The following CSMD1 variants were observed in gnomAD, a reference collection of about 807,000 sequenced individuals.
CSMD1 encodes CUB and Sushi multiple domains 1.
CSMD1 carries 213 observed loss-of-function variants against 417.5 expected under a neutral mutation model. That is an observed-to-expected ratio of 0.51 (90% CI 0.46 to 0.57). CSMD1 has a LOEUF of 0.57. Ranked by LOEUF, CSMD1 falls within the 20% of genes least tolerant of loss-of-function variation. The pLI is 0.00. For synonymous variants in CSMD1, 2,862 were observed against 1,736.8 expected (o/e 1.65, Z -16.11); for missense variants, 6,923 against 4,529.7 (o/e 1.53, Z -15.17).
chr8:3,834,914 A>C (rs188024343), intron 5 of CSMD1, among the ~76,000 whole-genome samples: 2,186 of 152,210 alleles, frequency 0.014, 42 homozygotes, highest in African/African-American at 0.037. Context: ...GAAGGACATG[A>C]ACAGACACTT....
intron 6 of CSMD1, among the ~76,000 whole-genome samples, chr8:3,733,285 AATAT>A (rs938079230): frequency 3.1e-5 from 2 of 64,240 alleles, no homozygotes; most frequent in Non-Finnish European, 8.1e-5. Flanking sequence ...TATATGCATA[AATAT>A]ACATATGAAT....
chr8:3,667,940 C>G (rs1262821537), intron 7 of CSMD1, among the ~76,000 whole-genome samples: 1 of 152,092 alleles, frequency 6.6e-6, no homozygotes, highest in Non-Finnish European at 1.5e-5. Context: ...TGCCAATTCA[C>G]CCACCCATTT....
chr8:3,913,867 A>G (rs893332563), intron 5 of CSMD1, among the ~76,000 whole-genome samples: 2 of 151,880 alleles, frequency 1.3e-5, no homozygotes, highest in Non-Finnish European at 2.9e-5. Flanking sequence ...GTGTGTATAT[A>G]TAATTTATGA....
chr8:3,315,336 A>G (rs554840163), intron 23 of CSMD1, among the ~76,000 whole-genome samples: 1 of 152,242 alleles, frequency 6.6e-6, no homozygotes, highest in Non-Finnish European at 1.5e-5. Context: ...TTCATTAATA[A>G]TGAATTTCCT....
intron 3 of CSMD1, among the ~76,000 whole-genome samples, chr8:4,176,007 G>C (rs1326228251): frequency 1.3e-5 from 2 of 152,138 alleles, no homozygotes; most frequent in African/African-American, 4.8e-5. Flanking sequence ...GGCTAGCCCA[G>C]GCTTCTCGCC....
At position 3,156,169 on chromosome 8, in the gene CSMD1, T is replaced by C. The variant is rs1243556561; in HGVS notation, c.5914+1728A>G. ...TTAAAATAGCTAATGTTCATCCATA[T>C]AGAGTTGACCACTTTCTCCTAAAAC... On this transcript the variant is annotated intron_variant, in intron 39 of 69. Coordinates refer to ENST00000635120, the MANE Select transcript of CSMD1 (RefSeq NM_033225.6). Among the ~76,000 whole-genome samples, 3 of 152,226 alleles carry C rather than the reference T, an allele frequency of 2.0e-5. No individual in the cohort carries two copies. In the East Asian group the frequency reaches 5.8e-4, roughly 29 times the overall value.
At position 4,443,304 on chromosome 8, in the gene CSMD1, AAACTT is replaced by A. The variant is rs147322410; in HGVS notation, c.303-23244_303-23240del. Among the ~76,000 whole-genome samples, 881 of 152,330 alleles carry A rather than the reference AAACTT, an allele frequency of 5.8e-3. 3 individuals are homozygous for A. The highest frequency in any genetic ancestry group is 0.019 in the African/African-American group (773 of 41,572). On this transcript the variant is annotated intron_variant, in intron 2 of 69. Coordinates refer to ENST00000635120, the MANE Select transcript of CSMD1 (RefSeq NM_033225.6). ...CTAAGTTTTGTATTCGCTAGAAAAT[AAACTT>A]AACTTATTTTAGAGAAAGTCTACCC...
At chr8:3,850,446 G>A (rs1014992752) in intron 5 of CSMD1, among the ~76,000 whole-genome samples, 5 of 152,152 alleles carry the variant, frequency 3.3e-5, no homozygotes, top group South Asian at 4.1e-4. Flanking sequence ...TTTAATTCCA[G>A]CATTTTGGAA....
intron 6 of CSMD1, among the ~76,000 whole-genome samples, chr8:3,731,917 G>C (rs1051389984): frequency 6.6e-6 from 1 of 152,148 alleles, no homozygotes; most frequent in African/African-American, 2.4e-5. Context: ...TAGTGGTTTT[G>C]GACCTGAGGT....
At chr8:4,003,672 A>T (rs1339515684) in intron 4 of CSMD1, among the ~76,000 whole-genome samples, 1 of 152,194 alleles carries the variant, frequency 6.6e-6, no homozygotes, top group Non-Finnish European at 1.5e-5. Context: ...AAACTGATCT[A>T]GTTGTATGTT....
intron 1 of CSMD1, among the ~76,000 whole-genome samples, chr8:4,706,673 G>C (rs927254489): frequency 4.0e-4 from 61 of 152,198 alleles, no homozygotes; most frequent in African/African-American, 1.4e-3. Flanking sequence ...AGTCATCAAT[G>C]TGGCTGAAGT....
intron 3 of CSMD1, among the ~76,000 whole-genome samples, chr8:4,088,442 C>G (rs1383410126): frequency 6.6e-6 from 1 of 152,214 alleles, no homozygotes; most frequent in African/African-American, 2.4e-5. Flanking sequence ...ATTTCTCAGC[C>G]TCTGTCTCTC....
intron 52 of CSMD1, among the ~76,000 whole-genome samples, chr8:3,005,129 A>C (rs574358595): frequency 1.3e-5 from 2 of 152,140 alleles, no homozygotes; most frequent in Non-Finnish European, 2.9e-5. Context: ...ACAGAGCAAG[A>C]CTCTGTCTCA....
At chr8:3,620,471 C>A (rs143893862) in intron 7 of CSMD1, among the ~76,000 whole-genome samples, 1 of 152,132 alleles carries the variant, frequency 6.6e-6, no homozygotes, top group Non-Finnish European at 1.5e-5. Context: ...TATGCATTTA[C>A]GCTAATAGTT....
intron 2 of CSMD1, among the ~76,000 whole-genome samples, chr8:4,555,325 G>T (rs1329096496): frequency 1.3e-5 from 2 of 152,104 alleles, no homozygotes; most frequent in Non-Finnish European, 2.9e-5. Context: ...TGCTCAGAAG[G>T]AAAAAACAAA....
intron 25 of CSMD1, among the ~76,000 whole-genome samples, chr8:3,298,143 T>G (rs1240136630): frequency 1.3e-5 from 2 of 152,002 alleles, no homozygotes; most frequent in African/African-American, 4.8e-5. Flanking sequence ...TCTCAGGGAG[T>G]GAGGGTAAGA....
At chr8:4,951,575 A>C (rs1203944556) in intron 1 of CSMD1, among the ~76,000 whole-genome samples, 2 of 72,020 alleles carry the variant, frequency 2.8e-5, no homozygotes, top group East Asian at 5.8e-4. Context: ...ATAAAAAAGA[A>C]AAGAAGCAAA....
rs34033842 is a variant in CSMD1 at position 4,607,289 on chromosome 8, CA to C, written c.302+30052del. 6.2e-3 allele frequency among the ~76,000 whole-genome samples: 843 copies of C among 136,148 alleles called. 8 individuals carry two copies. The highest frequency in any genetic ancestry group is 0.018 in the African/African-American group (648 of 35,094). 89.3% of individuals were successfully genotyped at this position (136,148 alleles called of 152,430 possible). ...TAGAAAATATGGAAAAAATAAATAACAAAAAAAAATGCATTTGAACGTATCA... is the reference window on the plus strand; with the variant it reads ...TAGAAAATATGGAAAAAATAAATAACAAAAAAAATGCATTTGAACGTATCA... On this transcript the variant is annotated intron_variant, in intron 2 of 69. Transcript: ENST00000635120.
chr8:3,478,536 CT>C (rs1174835473), intron 11 of CSMD1, among the ~76,000 whole-genome samples: 13 of 152,138 alleles, frequency 8.5e-5, no homozygotes, highest in African/African-American at 3.1e-4. Flanking sequence ...ACAAGCTGGC[CT>C]GGGACCGAAG....
Sources: gnomAD v4.1 joint callset for allele counts (sites outside exome capture counted in the v4.1 genomes callset) on GRCh38, gnomAD v4.1.1 for gene constraint, MANE v1.5 for transcripts, NCBI Gene and HGNC (gene_info 2026-07-23, HGNC 2026-07-21) for gene names.